Variants in ENPP1 observed in about 807,000 individuals in gnomAD.
The protein encoded by ENPP1 is ectonucleotide pyrophosphatase/phosphodiesterase family member 1.
ENPP1 carries 73 observed loss-of-function variants against 122.8 expected under a neutral mutation model. That is an observed-to-expected ratio of 0.59 (90% confidence interval 0.49 to 0.72). ENPP1 has a LOEUF of 0.72. ENPP1 is among the 30% of genes least tolerant of loss of function. The probability of loss-of-function intolerance (pLI) is 0.00; values close to 1 mark genes in which losing one functional copy is unlikely to be tolerated. For synonymous variants in ENPP1, 367 were observed against 391.6 expected (o/e 0.94, Z 0.74); for missense variants, 978 against 1,128.1 (o/e 0.87, Z 1.91).
At chr6:131,864,257 T>C (rs990091084) in intron 9 of ENPP1, among the ~76,000 whole-genome samples, 5 of 152,186 alleles carry the variant, frequency 3.3e-5, no homozygotes, top group African/African-American at 1.2e-4. Context: ...TTCAGGTCCA[T>C]GAATATTATC....
chr6:131,832,848 TACA>T (rs752764170), intron 1 of ENPP1, among the ~76,000 whole-genome samples: 15,721 of 152,276 alleles, frequency 0.1, 878 homozygotes, highest in East Asian at 0.18. Flanking sequence ...GGTAACTGCT[TACA>T]TGGAGGCTGA....
At chr6:131,826,720 C>G (rs1326216223) in intron 1 of ENPP1, 7 of 535,214 alleles carry the variant, frequency 1.3e-5, no homozygotes, top group Non-Finnish European at 2.0e-5. Context: ...GGCAAGAGGT[C>G]TGCAATGACT....
At chr6:131,813,482 A>G (rs1298131108) in intron 1 of ENPP1, among the ~76,000 whole-genome samples, 2 of 151,688 alleles carry the variant, frequency 1.3e-5, no homozygotes, top group Non-Finnish European at 2.9e-5. Context: ...GTGAGCCGAG[A>G]TTGCACCATT....
chr6:131,876,854 A>G, intron 17 of ENPP1, 138 bp from the exon 18 acceptor site: 1 of 754,446 alleles, frequency 1.3e-6, no homozygotes, highest in South Asian at 1.6e-5. Context: ...AAAACCCAAG[A>G]GAGTTTTATA....
intron 1 of ENPP1, chr6:131,825,839 T>G: frequency 4.6e-6 from 1 of 215,800 alleles, no homozygotes; most frequent in Non-Finnish European, 9.3e-6. Context: ...TTTCTAATTA[T>G]AAGCTCATAT....
intron 19 of ENPP1, 31 bp from the exon 20 acceptor site, chr6:131,879,848 TA>T: frequency 6.3e-7 from 1 of 1,593,096 alleles, no homozygotes; most frequent in Non-Finnish European, 8.6e-7. Context: ...TAATGCACAC[TA>T]ACTACATTTA....
At chr6:131,874,449 A>G in intron 16 of ENPP1, 112 bp downstream of exon 16, 2 of 682,224 alleles carry the variant, frequency 2.9e-6, no homozygotes, top group Non-Finnish European at 5.2e-6. Context: ...AATTAATGGA[A>G]CATACTTTCA....
At chr6:131,865,093 A>T (rs1445281358) in intron 11 of ENPP1, among the ~76,000 whole-genome samples, 155 bp downstream of exon 11, 3 of 152,342 alleles carry the variant, frequency 2.0e-5, no homozygotes, top group Admixed American at 2.0e-4. Flanking sequence ...GATGCACTTT[A>T]AACAAAATAA....
intron 5 of ENPP1, 115 bp from the exon 6 acceptor site, chr6:131,854,811 C>T: frequency 1.3e-6 from 1 of 763,930 alleles, no homozygotes; most frequent in Admixed American, 1.9e-5. Flanking sequence ...CTTAAGATCA[C>T]ACAGACCTTA....
intron 1 of ENPP1, among the ~76,000 whole-genome samples, chr6:131,822,310 A>G (rs1781493165): frequency 1.3e-5 from 2 of 152,216 alleles, no homozygotes; most frequent in African/African-American, 4.8e-5. Flanking sequence ...CTAAACGGGA[A>G]TCACATGAAT....
intron 1 of ENPP1, among the ~76,000 whole-genome samples, chr6:131,824,410 G>A (rs1781519425): frequency 1.3e-5 from 2 of 152,034 alleles, no homozygotes; most frequent in Non-Finnish European, 2.9e-5. Context: ...GGATGAGGTG[G>A]GAAATGTTGC....
In ENPP1 at chr6:131,808,161, C is replaced by T; in HGVS notation, c.126C>T (p.Asp42=). ...GCCACGCTGCCGAGGCGCCCGGGGACCCGCAGGCGGCCGCGTCCTTGCTGG... is the reference window on the plus strand; with the variant it reads ...GCCACGCTGCCGAGGCGCCCGGGGATCCGCAGGCGGCCGCGTCCTTGCTGG... ...GRSHAAEAPG[D]PQAAASLLAP... is the part of the protein sequence containing the mutation. Residue 42 remains aspartate, a synonymous_variant, in exon 1 of 25, where the codon GAC becomes GAT. Transcript: ENST00000647893. 6.9e-7 allele frequency: 1 copy of T among 1,453,656 alleles called. No homozygotes were observed. Among genetic ancestry groups the T allele is most frequent in the East Asian group, 3.0e-5 (1 of 33,298 alleles). 90.0% of individuals were successfully genotyped at this position (1,453,656 alleles called of 1,614,324 possible).
chr6:131,887,854 C>T (rs568897865), intron 24 of ENPP1, among the ~76,000 whole-genome samples: 133 of 145,922 alleles, frequency 9.1e-4, no homozygotes, highest in Non-Finnish European at 1.4e-3. Context: ...CGTGAGCCAC[C>T]GTGCCTGGCC....
intron 11 of ENPP1, among the ~76,000 whole-genome samples, chr6:131,866,905 T>C (rs1782098292): frequency 6.6e-6 from 1 of 152,248 alleles, no homozygotes. Flanking sequence ...TACCCAAGAC[T>C]TGTGTCTGGG....
At chr6:131,817,494 C>T (rs1458615656) in intron 1 of ENPP1, among the ~76,000 whole-genome samples, 1 of 152,068 alleles carries the variant, frequency 6.6e-6, no homozygotes, top group Non-Finnish European at 1.5e-5. Flanking sequence ...AGTAGGTATA[C>T]TTTTGGGAAA....
At chr6:131,878,479 C>G (rs1782263618) in intron 18 of ENPP1, 63 bp from the exon 19 acceptor site, 2 of 966,478 alleles carry the variant, frequency 2.1e-6, no homozygotes, top group East Asian at 5.0e-5. Context: ...TATAGCGGTT[C>G]TATGTTACAA....
chr6:131,827,350 C>T (rs1781558179), intron 1 of ENPP1: 1 of 1,135,346 alleles, frequency 8.8e-7, no homozygotes, highest in South Asian at 1.2e-5. Flanking sequence ...TCAGGGATGT[C>T]ACTATAGTTG....
chr6:131,876,894 C>T, intron 17 of ENPP1, 98 bp from the exon 18 acceptor site: 1 of 1,038,362 alleles, frequency 9.6e-7, no homozygotes, highest in Non-Finnish European at 1.5e-6. Context: ...GTAAATGACT[C>T]ATGTATTTGG....
At chr6:131,863,752 A>G (rs1782052925) in intron 9 of ENPP1, among the ~76,000 whole-genome samples, 1 of 133,088 alleles carries the variant, frequency 7.5e-6, no homozygotes, top group South Asian at 2.2e-4. Flanking sequence ...CTAAAATACA[A>G]AAAAAAAAAA....
Sources: gnomAD v4.1 joint callset for allele counts (sites outside exome capture counted in the v4.1 genomes callset) on GRCh38, gnomAD v4.1.1 for gene constraint, MANE v1.5 for transcripts, NCBI Gene and HGNC (gene_info 2026-07-23, HGNC 2026-07-21) for gene names.